C3orf33: variants seen among roughly 807,000 people sequenced by gnomAD.
C3orf33 encodes the protein mitochondrial inner membrane subdomain organizer 1.
A neutral mutation model predicts 28.7 loss-of-function variants in C3orf33; 23 were observed. The ratio of observed to expected loss-of-function variants is 0.80; its 90% CI spans 0.58 to 1.13. The LOEUF is 1.13. Among genes scored for constraint, C3orf33 ranks in the 50% most tolerant of loss-of-function variants. C3orf33 has a pLI of 0.00. For synonymous variants in C3orf33, 119 were observed against 120.5 expected, an observed-to-expected ratio of 0.99 and a Z score of 0.08; for missense variants, 327 against 353.4, an observed-to-expected ratio of 0.93 and a Z score of 0.60.
chr3:155,795,455 C>CAAAAAAAAAAAAAAAAATAAAA (rs1751448781), intron 2 of C3orf33, among the ~76,000 whole-genome samples: 3 of 150,718 alleles, frequency 2.0e-5, no homozygotes, highest in African/African-American at 7.3e-5. Flanking sequence ...GACTTCATCT[C>CAAAAAAAAAAAAAAAAATAAAA]AAAAATAAAT....
rs869262835 is a variant in C3orf33, at chr3:155,786,834, A to AAAAT, written c.175-10990_175-10987dup. 2.0e-5 allele frequency among the ~76,000 whole-genome samples: 3 copies of AAAAT among 152,336 alleles called. No homozygotes were observed. In the East Asian group the frequency reaches 5.8e-4, roughly 29 times the overall value. On this transcript the variant is annotated intron_variant, in intron 2 of 4. Transcript: ENST00000340171. ...CAACAGTGCAAGACTCTGTCTCAAA[A>AAAAT]AAATAAATAAATAAATAACCTTCCA...
intron 2 of C3orf33, among the ~76,000 whole-genome samples, chr3:155,800,363 G>GGAGGCTAAGATGGGA (rs1751604806): frequency 6.6e-6 from 1 of 152,016 alleles, no homozygotes; most frequent in Non-Finnish European, 1.5e-5. Context: ...CAGCACTCTG[G>GGAGGCTAAGATGGGA]GAGGCTAAGA....
At chr3:155,774,172 AG>A (rs1026127421) in intron 3 of C3orf33, among the ~76,000 whole-genome samples, 1 of 152,228 alleles carries the variant, frequency 6.6e-6, no homozygotes, top group Non-Finnish European at 1.5e-5. Flanking sequence ...GTCTTTTTCT[AG>A]GGACTTTGAA....
In C3orf33 at chr3:155,763,471, A is replaced by C. The variant is rs767973424; in HGVS notation, c.*46T>G. 1.5e-6 allele frequency: 2 copies of C among 1,372,476 alleles called. No homozygotes were observed. Among genetic ancestry groups the C allele is most frequent in the East Asian group, 2.6e-5 (1 of 38,732 alleles). 85.0% of individuals were successfully genotyped at this position (1,372,476 alleles called of 1,614,324 possible). ...CAATGAAAAACGTCCATATATTTAC[A>C]TATTTCACTCTTTGGAGAAGGTTAC... On this transcript the variant is annotated 3_prime_UTR_variant, in exon 5 of 5. Transcript: ENST00000340171.
At chr3:155,801,290 G>A (rs989259402) in intron 2 of C3orf33, among the ~76,000 whole-genome samples, 3 of 138,022 alleles carry the variant, frequency 2.2e-5, no homozygotes, top group Non-Finnish European at 3.0e-5. Context: ...CTTCCTGGGC[G>A]ACAGAGTGAG....
At position 155,764,543 on chromosome 3, in the gene C3orf33, C is replaced by G. The variant is rs150328317; in HGVS notation, c.484-625G>C. ...CTGGATAAATGGGATTTTTTTTTTT[C>G]ATTAATTTACGGTATAAAGGAGATC... is the stretch of plus-strand genomic sequence containing the variant. On this transcript the variant is annotated intron_variant, in intron 4 of 4. Coordinates refer to ENST00000340171, the MANE Select transcript of C3orf33 (RefSeq NM_001308229.2). 5.1e-3 allele frequency among the ~76,000 whole-genome samples: 759 copies of G among 149,758 alleles called. 8 individuals are homozygous for G. Among genetic ancestry groups the G allele is most frequent in the African/African-American group, 0.018 (728 of 40,676 alleles).
At chr3:155,774,189 A>C (rs1750669848) in intron 3 of C3orf33, among the ~76,000 whole-genome samples, 1 of 152,212 alleles carries the variant, frequency 6.6e-6, no homozygotes, top group African/African-American at 2.4e-5. Context: ...TTGAATACCA[A>C]AATAAAAAGG....
At chr3:155,772,822 T>G (rs1750632261) in intron 3 of C3orf33, among the ~76,000 whole-genome samples, 1 of 134,260 alleles carries the variant, frequency 7.4e-6, no homozygotes, top group Non-Finnish European at 1.6e-5. Flanking sequence ...GCCTCCTCAT[T>G]CATACATACC....
intron 2 of C3orf33, among the ~76,000 whole-genome samples, chr3:155,783,224 G>A (rs567255892): frequency 4.2e-4 from 63 of 150,580 alleles, no homozygotes; most frequent in Non-Finnish European, 7.7e-4. Flanking sequence ...GCACAATCTC[G>A]GCTCACTGCA....
chr3:155,794,667 T>C (rs1256305453), intron 2 of C3orf33, among the ~76,000 whole-genome samples: 2 of 151,498 alleles, frequency 1.3e-5, no homozygotes, highest in Non-Finnish European at 2.9e-5. Flanking sequence ...TACACATAGA[T>C]TGAAAATAAA....
intron 2 of C3orf33, among the ~76,000 whole-genome samples, chr3:155,777,667 G>A (rs918898537): frequency 1.3e-5 from 2 of 152,018 alleles, no homozygotes; most frequent in African/African-American, 4.8e-5. Context: ...AAATTCCTGG[G>A]CTCAAACAAT....
chr3:155,788,529 A>G (rs1751212933), intron 2 of C3orf33, among the ~76,000 whole-genome samples: 2 of 151,988 alleles, frequency 1.3e-5, no homozygotes, highest in African/African-American at 4.8e-5. Context: ...CTAAAAATAC[A>G]AAAATTAGCT....
chr3:155,805,158 T>TAAAAA (rs57906262), intron 1 of C3orf33, among the ~76,000 whole-genome samples: 5 of 141,736 alleles, frequency 3.5e-5, no homozygotes, highest in Non-Finnish European at 6.1e-5. Context: ...GTGCTTCACT[T>TAAAAA]AAAAAAAAAA....
intron 2 of C3orf33, among the ~76,000 whole-genome samples, chr3:155,798,837 C>A (rs1375177313): frequency 6.6e-6 from 1 of 152,056 alleles, no homozygotes; most frequent in Admixed American, 6.6e-5. Context: ...AGAGACAACC[C>A]ACAGAACAGG....
In C3orf33 at chr3:155,775,838, A is replaced by G; in HGVS notation, c.185T>C (p.Phe62Ser). 6.3e-7 allele frequency: 1 copy of G among 1,588,052 alleles called. No individual in the cohort carries two copies. Among genetic ancestry groups the G allele is most frequent in the Non-Finnish European group, 8.6e-7 (1 of 1,161,966 alleles). Residue 62 changes from phenylalanine (F) to serine (S), a missense_variant, in exon 3 of 5, where the codon TTT (phenylalanine) becomes TCT (serine). Coordinates refer to ENST00000340171, the MANE Select transcript of C3orf33 (RefSeq NM_001308229.2). ...LLRSIRLTSKFTSSSDIPVEF... is the reference protein window; with the variant it reads ...LLRSIRLTSKSTSSSDIPVEF... ...TACTGGAATATCCGAAGAGCTTGTAAATTTTGATGTCTATTGATTTACAGG... is the reference window on the plus strand; with the variant it reads ...TACTGGAATATCCGAAGAGCTTGTAGATTTTGATGTCTATTGATTTACAGG...
Position 155,767,425 on chromosome 3 carries a change from AT to A in C3orf33, c.483+83del, listed in dbSNP as rs1750443684. The A allele has an allele frequency of 3.6e-6, 4 of 1,101,642 alleles. No individual in the cohort carries two copies. The East Asian group carries it at 1.2e-4, about 32-fold the overall frequency. The allele number at this position is 1,101,642 out of a possible 1,614,324, so 68.2% of individuals were successfully genotyped here. A position where few individuals can be genotyped will look rare whatever the true frequency, so the allele number is the denominator to read the frequency against. ...CAAAAAAAAGTCAGTCCCATTATATATCCAAAGTTCTAATTAAATAAGTGTT... is the reference window on the plus strand; with the variant it reads ...CAAAAAAAAGTCAGTCCCATTATATACCAAAGTTCTAATTAAATAAGTGTT... On this transcript the variant is annotated intron_variant, in intron 4 of 4. Transcript: ENST00000340171.
At chr3:155,768,137 C>T (rs2109250981) in intron 3 of C3orf33, among the ~76,000 whole-genome samples, 1 of 152,322 alleles carries the variant, frequency 6.6e-6, no homozygotes, top group East Asian at 1.9e-4. Flanking sequence ...ACCTCGGCCT[C>T]CCAAAGTGCT....
At chr3:155,799,992 A>C (rs1751593090) in intron 2 of C3orf33, among the ~76,000 whole-genome samples, 3 of 152,176 alleles carry the variant, frequency 2.0e-5, no homozygotes, top group Non-Finnish European at 2.9e-5. Context: ...AATGAATAAG[A>C]TCTAGTATTT....
intron 3 of C3orf33, among the ~76,000 whole-genome samples, 171 bp downstream of exon 3, chr3:155,775,530 C>A (rs1176878464): frequency 1.3e-5 from 2 of 151,040 alleles, no homozygotes; most frequent in Non-Finnish European, 2.9e-5. Context: ...GAAATCTGAG[C>A]CAAATTAAGC....
Sources: gnomAD v4.1 joint callset for allele counts (sites outside exome capture counted in the v4.1 genomes callset) on GRCh38, gnomAD v4.1.1 for gene constraint, MANE v1.5 for transcripts, NCBI Gene and HGNC (gene_info 2026-07-23, HGNC 2026-07-21) for gene names.